Variants in ABHD18 observed in about 807,000 individuals in gnomAD.
ABHD18 encodes abhydrolase domain containing 18, also known as cardiolipin-specific deacylase, mitochondrial.
ABHD18 carries 55 observed loss-of-function variants against 65.9 expected under a neutral mutation model. The ratio of observed to expected loss-of-function variants is 0.84; its 90% CI spans 0.67 to 1.05. ABHD18 has a LOEUF of 1.05. Ranked by LOEUF, ABHD18 falls within the 50% of genes least tolerant of loss-of-function variation. The probability of loss-of-function intolerance (pLI) is 0.00; values close to 1 mark genes in which losing one functional copy is unlikely to be tolerated. For synonymous variants in ABHD18, 181 were observed against 180.2 expected (o/e 1.00, Z -0.04); for missense variants, 533 against 558.5 (o/e 0.95, Z 0.46).
At chr4:128,032,301 C>A (rs1413127240) in intron 12 of ABHD18, among the ~76,000 whole-genome samples, 2 of 152,122 alleles carry the variant, frequency 1.3e-5, no homozygotes, top group South Asian at 2.1e-4. Context: ...TCTTCCATTC[C>A]CCATCAGTCA....
chr4:128,005,559 C>T (rs923679024), intron 4 of ABHD18, among the ~76,000 whole-genome samples: 2 of 152,170 alleles, frequency 1.3e-5, no homozygotes, highest in Admixed American at 1.3e-4. Flanking sequence ...AATTTCTGGG[C>T]TCCAGTGATC....
At position 128,028,470 on chromosome 4, in the gene ABHD18, T is replaced by G. The variant is rs1757703756; in HGVS notation, c.802-5T>G. The G allele has an allele frequency of 6.6e-7, 1 of 1,519,380 alleles. No individual in the cohort carries two copies. The highest frequency in any genetic ancestry group is 2.5e-5 in the Admixed American group (1 of 40,772). The allele number at this position is 1,519,380 out of a possible 1,614,324, so 94.1% of individuals were successfully genotyped here. A position where few individuals can be genotyped will look rare whatever the true frequency, so the allele number is the denominator to read the frequency against. On this transcript the variant is annotated splice_polypyrimidine_tract_variant and splice_region_variant and intron_variant, in intron 10 of 12. Transcript: ENST00000645843. Reference sequence around the variant, plus strand: ...ATAATGTTTTCTTTCCTTTCATATGTTCAGACAGATTCTTTCAAAATGGGA... The same window carrying G: ...ATAATGTTTTCTTTCCTTTCATATGGTCAGACAGATTCTTTCAAAATGGGA...
Position 128,039,185 on chromosome 4 carries a change from A to ATATATATATG in ABHD18, c.*3372_*3373insTATATATATG. 7.7e-6 allele frequency: 1 copy of ATATATATATG among 129,184 alleles called. No individual in the cohort carries two copies. The highest frequency in any genetic ancestry group is 2.8e-5 in the African/African-American group (1 of 35,948). 8.0% of individuals were successfully genotyped at this position (129,184 alleles called of 1,614,324 possible). A position where few individuals can be genotyped will look rare whatever the true frequency, so the allele number is the denominator to read the frequency against. ...TATATATATATATATATATATATAT[A>ATATATATATG]ATCTCAAAGAAGTGCGGTCTGCCAT... On this transcript the variant is annotated 3_prime_UTR_variant, in exon 13 of 13. Coordinates refer to ENST00000645843, the MANE Select transcript of ABHD18 (RefSeq NM_001358451.3).
intron 4 of ABHD18, 31 bp from the exon 5 acceptor site, chr4:128,008,889 T>G: frequency 1.3e-6 from 2 of 1,493,802 alleles, no homozygotes; most frequent in Non-Finnish European, 1.8e-6. Context: ...TAAAGAGAAT[T>G]TTATTGATAA....
chr4:128,008,826 G>A (rs2149131902), intron 4 of ABHD18, 94 bp from the exon 5 acceptor site: 2 of 813,454 alleles, frequency 2.5e-6, no homozygotes, highest in Non-Finnish European at 3.8e-6. Flanking sequence ...TTTTCTGTCA[G>A]ATAATTTAAA....
Position 127,965,571 on chromosome 4 carries a change from C to G in ABHD18, c.-53C>G, listed in dbSNP as rs890288935. The G allele has an allele frequency of 8.5e-6, 2 of 235,528 alleles. No homozygotes were observed. Among genetic ancestry groups the G allele is most frequent in the Admixed American group, 5.2e-5 (1 of 19,126 alleles). 14.6% of individuals were successfully genotyped at this position (235,528 alleles called of 1,614,324 possible). A position where few individuals can be genotyped will look rare whatever the true frequency, so the allele number is the denominator to read the frequency against. Reference sequence around the variant, plus strand: ...TGGAGAGCGGCGGTGCTGGGAGGCCCGGCCAGCTCGATCGCAGGCTTCCAC... The same window carrying G: ...TGGAGAGCGGCGGTGCTGGGAGGCCGGGCCAGCTCGATCGCAGGCTTCCAC... On this transcript the variant is annotated 5_prime_UTR_variant, in exon 1 of 13. Transcript: ENST00000645843.
chr4:127,977,089 G>A (rs988656954), intron 1 of ABHD18, among the ~76,000 whole-genome samples: 4 of 151,984 alleles, frequency 2.6e-5, no homozygotes, highest in Admixed American at 2.6e-4. Context: ...TAGTTTTTGT[G>A]TACCTTAAAA....
At chr4:128,035,226 T>C (rs914513142) in intron 12 of ABHD18, among the ~76,000 whole-genome samples, 1 of 152,136 alleles carries the variant, frequency 6.6e-6, no homozygotes, top group African/African-American at 2.4e-5. Flanking sequence ...TATGAATATA[T>C]ATATTCTAAG....
intron 1 of ABHD18, among the ~76,000 whole-genome samples, chr4:127,980,027 ATTACT>A (rs1332219592): frequency 1.3e-5 from 2 of 152,150 alleles, no homozygotes; most frequent in Non-Finnish European, 2.9e-5. Context: ...AATGTGTTAC[ATTACT>A]TTAGTAATTT....
intron 3 of ABHD18, among the ~76,000 whole-genome samples, chr4:127,984,662 G>T (rs117360477): frequency 0.03 from 4,525 of 152,130 alleles, 294 homozygotes; most frequent in East Asian, 0.26. Context: ...GTTCAGACCA[G>T]CCTGACCAAC....
chr4:128,007,475 C>T (rs759529003), intron 4 of ABHD18, among the ~76,000 whole-genome samples: 9 of 151,924 alleles, frequency 5.9e-5, no homozygotes, highest in Non-Finnish European at 7.4e-5. Context: ...GGTGCAATGA[C>T]TCATGCCTGT....
Position 128,011,482 on chromosome 4 carries a change from T to TG in ABHD18, c.443-191_443-190insG, listed in dbSNP as rs1213037146. Reference sequence around the variant, plus strand: ...TATGATTATATCAGTAAAGCTGGTTTTTTTTTTTTTTTTAAAAAAAAGGAA... The same window carrying TG: ...TATGATTATATCAGTAAAGCTGGTTTGTTTTTTTTTTTTTAAAAAAAAGGAA... On this transcript the variant is annotated intron_variant, in intron 6 of 12. Transcript: ENST00000645843. 6.6e-5 allele frequency among the ~76,000 whole-genome samples: 10 copies of TG among 150,514 alleles called. No individual in the cohort carries two copies. The East Asian group carries it at 1.2e-3, about 18-fold the overall frequency.
At chr4:127,967,904 GC>G (rs1265966194) in intron 1 of ABHD18, among the ~76,000 whole-genome samples, 7 of 152,080 alleles carry the variant, frequency 4.6e-5, no homozygotes, top group African/African-American at 1.7e-4. Flanking sequence ...TTAGGTGACT[GC>G]CCAGGATATT....
Position 127,965,495 on chromosome 4 carries a change from C to T in ABHD18, c.-129C>T, listed in dbSNP as rs1292490154. Reference sequence around the variant, plus strand: ...AGCATTTCGGTTCCTGGAAAGGTTACCGGAGCTGCGATTGGGGCTGGGACC... The same window carrying T: ...AGCATTTCGGTTCCTGGAAAGGTTATCGGAGCTGCGATTGGGGCTGGGACC... On this transcript the variant is annotated 5_prime_UTR_variant, in exon 1 of 13. Coordinates refer to ENST00000645843, the MANE Select transcript of ABHD18 (RefSeq NM_001358451.3). The T allele has an allele frequency of 1.0e-5, 4 of 386,314 alleles. No homozygotes were observed. Among genetic ancestry groups the T allele is most frequent in the Admixed American group, 3.9e-5 (1 of 25,568 alleles). The allele number at this position is 386,314 out of a possible 1,614,324, so 23.9% of individuals were successfully genotyped here. A position where few individuals can be genotyped will look rare whatever the true frequency, so the allele number is the denominator to read the frequency against.
Position 128,028,633 on chromosome 4 carries a change from ATC to A in ABHD18, c.962_963del (p.Ser321CysfsTer15), listed in dbSNP as rs748062177. The A allele has an allele frequency of 6.2e-7, 1 of 1,613,926 alleles. No individual in the cohort carries two copies. Among genetic ancestry groups the A allele is most frequent in the Admixed American group, 1.7e-5 (1 of 60,000 alleles). Reference protein sequence around the residue: ...PADCHNSSKTSVSATSEGLLL... With the variant: ...PADCHNSSKTXVSATSEGLLL... ...CTGACTGCCATAATTCTAGCAAAAC[ATC>A]TGTCAGTGCGACATCAGAAGGACTC... On this transcript the variant is annotated frameshift_variant, in exon 11 of 13. Transcript: ENST00000645843. LOFTEE classifies it high-confidence loss of function.
intron 4 of ABHD18, among the ~76,000 whole-genome samples, chr4:128,005,725 C>T (rs1319377900): frequency 6.6e-6 from 1 of 152,200 alleles, no homozygotes; most frequent in Non-Finnish European, 1.5e-5. Flanking sequence ...GGATTATAGA[C>T]ATGAGCCACT....
intron 3 of ABHD18, among the ~76,000 whole-genome samples, chr4:127,985,829 C>T (rs553272045): frequency 6.6e-6 from 1 of 151,724 alleles, no homozygotes; most frequent in African/African-American, 2.4e-5. Flanking sequence ...TGGTGAAACC[C>T]CATCTCTACT....
intron 7 of ABHD18, among the ~76,000 whole-genome samples, chr4:128,015,937 A>T (rs1755401196): frequency 6.6e-6 from 1 of 150,890 alleles, no homozygotes; most frequent in Admixed American, 6.6e-5. Flanking sequence ...ACCCAAAAAG[A>T]TATATTTAAA....
At chr4:128,023,235 G>A (rs1756802317) in intron 10 of ABHD18, among the ~76,000 whole-genome samples, 1 of 151,788 alleles carries the variant, frequency 6.6e-6, no homozygotes, top group South Asian at 2.1e-4. Flanking sequence ...AACTTCAAAA[G>A]GTAGTTGATT....
Sources: gnomAD v4.1 joint callset for allele counts (sites outside exome capture counted in the v4.1 genomes callset) on GRCh38, gnomAD v4.1.1 for gene constraint, MANE v1.5 for transcripts, NCBI Gene and HGNC (gene_info 2026-07-23, HGNC 2026-07-21) for gene names.